The following WLS variants were observed in gnomAD, a reference collection of about 807,000 sequenced individuals.
WLS encodes the protein protein wntless homolog.
WLS carries 23 observed loss-of-function variants against 62.8 expected under a neutral mutation model. The ratio of observed to expected loss-of-function variants is 0.37; its 90% CI spans 0.26 to 0.52. The LOEUF (loss-of-function observed/expected upper bound fraction) is 0.52, where lower values mean the gene tolerates loss of function less well. WLS is among the 20% of genes least tolerant of loss of function. The pLI is 0.92. For synonymous variants in WLS, 246 were observed against 244.1 expected (o/e 1.01, Z -0.07); for missense variants, 615 against 697.3 (o/e 0.88, Z 1.33).
In WLS at chr1:68,153,595, G is replaced by T. The variant is rs750375780; in HGVS notation, c.725C>A (p.Thr242Lys). The T allele has an allele frequency of 6.2e-7, 1 of 1,614,192 alleles. No homozygotes were observed. The highest frequency in any genetic ancestry group is 1.1e-5 in the South Asian group (1 of 91,076). ...CACCATAATGATGAAGATGCTGGGC[G>T]TAAGGAAGGTCTTCATGGCAAACCA... ...KVWFAMKTFLTPSIFIIMVWY... is the reference protein window; with the variant it reads ...KVWFAMKTFLKPSIFIIMVWY... Residue 242 changes from threonine (T) to lysine (K), a missense_variant, in exon 5 of 12, where the codon ACG (threonine) becomes AAG (lysine). Thr to Lys is a moderately conservative substitution (Grantham distance 78). Coordinates refer to ENST00000262348, the MANE Select transcript of WLS (RefSeq NM_024911.7).
Position 68,144,664 on chromosome 1 carries a change from G to A in WLS, c.1279-12C>T, listed in dbSNP as rs1304478233. 1 of 1,609,362 alleles carries A rather than the reference G, an allele frequency of 6.2e-7. No homozygotes were observed. The highest frequency in any genetic ancestry group is 1.3e-5 in the African/African-American group (1 of 74,896). On this transcript the variant is annotated splice_polypyrimidine_tract_variant and intron_variant, in intron 9 of 11. Coordinates refer to ENST00000262348, the MANE Select transcript of WLS (RefSeq NM_024911.7). ...CTAAAAATTAGCCCCTATTAGAAAA[G>A]AAAGAGTAGTTTAATACTCCATCAG...
At chr1:68,119,472 C>T (rs1557452955) in intron 11 of WLS, among the ~76,000 whole-genome samples, 1 of 152,228 alleles carries the variant, frequency 6.6e-6, no homozygotes, top group African/African-American at 2.4e-5. Context: ...CACCCATATT[C>T]CTCAAGCTGG....
At chr1:68,162,297 T>C (rs1646988915) in intron 2 of WLS, 3 of 1,609,120 alleles carry the variant, frequency 1.9e-6, no homozygotes, top group Non-Finnish European at 2.6e-6. Flanking sequence ...TCACAAGGAA[T>C]GCTCCCTGCC....
At chr1:68,142,520 C>T (rs1388868293) in intron 10 of WLS, 2 of 152,224 alleles carry the variant, frequency 1.3e-5, no homozygotes, top group Non-Finnish European at 2.9e-5. Context: ...AGGCCTCAGA[C>T]ACTCTTGTTT....
intron 1 of WLS, 121 bp downstream of exon 1, chr1:68,232,073 G>A: frequency 7.4e-7 from 1 of 1,343,678 alleles, no homozygotes; most frequent in Non-Finnish European, 1.0e-6. Flanking sequence ...AAGCACAATA[G>A]CCGGACTAAT....
Position 68,232,464 on chromosome 1 carries a change from C to A in WLS, c.-165G>T. On this transcript the variant is annotated 5_prime_UTR_variant, in exon 1 of 12. Coordinates refer to ENST00000262348, the MANE Select transcript of WLS (RefSeq NM_024911.7). ...GGATGGGACCGGGACGGAAGGCGCCCGCACGGATTCCCCCGGCGCAGCCGG... is the reference window on the plus strand; with the variant it reads ...GGATGGGACCGGGACGGAAGGCGCCAGCACGGATTCCCCCGGCGCAGCCGG... 1 of 1,355,364 alleles carries A rather than the reference C, an allele frequency of 7.4e-7. No homozygotes were observed. Among genetic ancestry groups the A allele is most frequent in the Non-Finnish European group, 9.6e-7 (1 of 1,045,356 alleles). The allele number at this position is 1,355,364 out of a possible 1,614,324, so 84.0% of individuals were successfully genotyped here.
intron 1 of WLS, among the ~76,000 whole-genome samples, chr1:68,206,250 G>A (rs1649274902): frequency 6.6e-6 from 1 of 152,340 alleles, no homozygotes; most frequent in African/African-American, 2.4e-5. Flanking sequence ...GTTTAAAAGG[G>A]GGGTTTAGTA....
downstream of WLS, among the ~76,000 whole-genome samples, chr1:68,122,856 A>AG (rs781385123): frequency 5.5e-4 from 84 of 152,356 alleles, 1 homozygote; most frequent in African/African-American, 1.8e-3. Flanking sequence ...CAGAACAGCC[A>AG]GGGGACATAC....
intron 2 of WLS, among the ~76,000 whole-genome samples, chr1:68,168,085 A>AC: frequency 6.6e-6 from 1 of 152,136 alleles, no homozygotes; most frequent in East Asian, 1.9e-4. Context: ...GAGGGCAAGT[A>AC]CCTTCTATAA....
intron 3 of WLS, 43 bp from the exon 4 acceptor site, chr1:68,155,303 A>C (rs1431050999): frequency 1.3e-6 from 2 of 1,576,876 alleles, no homozygotes; most frequent in Non-Finnish European, 1.7e-6. Flanking sequence ...CACTATTTCC[A>C]ATAGACTGGC....
chr1:68,125,781 CTA>C lies in WLS; in HGVS notation c.*443_*444del, dbSNP rs1323613651. ...TGGTCATGGATTAGGAGTGAGAAGA[CTA>C]TGACACCAGCCTACCTTGGACTGGG... On this transcript the variant is annotated 3_prime_UTR_variant, in exon 12 of 12. Coordinates refer to ENST00000262348, the MANE Select transcript of WLS (RefSeq NM_024911.7). The C allele has an allele frequency of 1.0e-6, 1 of 992,716 alleles. No homozygotes were observed. Among genetic ancestry groups the C allele is most frequent in the Non-Finnish European group, 1.2e-6 (1 of 834,438 alleles). 61.5% of individuals were successfully genotyped at this position (992,716 alleles called of 1,614,324 possible). A position where few individuals can be genotyped will look rare whatever the true frequency, so the allele number is the denominator to read the frequency against.
chr1:68,196,249 T>C (rs1173780311), intron 1 of WLS, among the ~76,000 whole-genome samples: 1 of 151,892 alleles, frequency 6.6e-6, no homozygotes, highest in Non-Finnish European at 1.5e-5. Context: ...TGTTTCTCCA[T>C]TGTCTACAAT....
chr1:68,113,978 T>C (rs1445287192), intron 11 of WLS, among the ~76,000 whole-genome samples: 1 of 152,246 alleles, frequency 6.6e-6, no homozygotes. Flanking sequence ...TACTCAACTG[T>C]ATTTGATGGC....
At chr1:68,173,859 CG>C (rs1395721714) in intron 2 of WLS, among the ~76,000 whole-genome samples, 5 of 152,064 alleles carry the variant, frequency 3.3e-5, no homozygotes, top group African/African-American at 1.2e-4. Flanking sequence ...AGAGTCATGA[CG>C]TTTTTCTAGG....
chr1:68,119,102 A>G (rs1051667429), intron 11 of WLS, among the ~76,000 whole-genome samples: 1 of 152,142 alleles, frequency 6.6e-6, no homozygotes, highest in African/African-American at 2.4e-5. Context: ...AAAATTATGA[A>G]CCATCCTTTT....
chr1:68,131,884 C>T (rs893913468), intron 11 of WLS, among the ~76,000 whole-genome samples: 7 of 152,158 alleles, frequency 4.6e-5, no homozygotes, highest in South Asian at 4.1e-4. Flanking sequence ...GGGAAGACCA[C>T]GTGAAGACAC....
chr1:68,114,730 C>T (rs1646269010), intron 11 of WLS, among the ~76,000 whole-genome samples: 1 of 152,230 alleles, frequency 6.6e-6, no homozygotes, highest in Non-Finnish European at 1.5e-5. Flanking sequence ...TTGCTCAGAG[C>T]CCCGTCCCAG....
rs2100375200 is a variant in WLS, at chr1:68,125,803, A to G, written c.*423T>C. 1.0e-6 allele frequency: 1 copy of G among 1,002,086 alleles called. No individual in the cohort carries two copies. Among genetic ancestry groups the G allele is most frequent in the East Asian group, 1.0e-4 (1 of 9,686 alleles). 62.1% of individuals were successfully genotyped at this position (1,002,086 alleles called of 1,614,324 possible). On this transcript the variant is annotated 3_prime_UTR_variant, in exon 12 of 12. Transcript: ENST00000262348. ...AGACTATGACACCAGCCTACCTTGG[A>G]CTGGGACCGCAAAGGATGTTAAAAT...
chr1:68,135,305 C>CTTTTT lies in WLS; in HGVS notation c.1516+2470_1516+2474dup, dbSNP rs71581156. 5.5e-3 allele frequency among the ~76,000 whole-genome samples: 367 copies of CTTTTT among 66,798 alleles called. 2 individuals carry two copies. The highest frequency in any genetic ancestry group is 7.5e-3 in the African/African-American group (121 of 16,140). The allele number at this position is 66,798 out of a possible 152,430, so 43.8% of individuals were successfully genotyped here. A position where few individuals can be genotyped will look rare whatever the true frequency, so the allele number is the denominator to read the frequency against. ...TACAGGTGCACACCACCATGCCTGG[C>CTTTTT]TTTTTTTTTTTTTTTTTTTTTTTTT... On this transcript the variant is annotated intron_variant, in intron 11 of 11. Transcript: ENST00000262348.
Sources: gnomAD v4.1 joint callset for allele counts (sites outside exome capture counted in the v4.1 genomes callset) on GRCh38, gnomAD v4.1.1 for gene constraint, MANE v1.5 for transcripts, NCBI Gene and HGNC (gene_info 2026-07-23, HGNC 2026-07-21) for gene names.